SBF2: variants seen among roughly 807,000 people sequenced by gnomAD.
SBF2 encodes myotubularin-related protein 13.
A neutral mutation model predicts 225.2 loss-of-function variants in SBF2; 112 were observed. The ratio of observed to expected loss-of-function variants is 0.50; its 90% CI spans 0.43 to 0.58. The LOEUF is 0.58. SBF2 is among the 20% of genes least tolerant of loss of function. The pLI is 0.00. For synonymous variants in SBF2, 763 were observed against 773.3 expected (o/e 0.99, Z 0.22); for missense variants, 1,996 against 2,206.2 (o/e 0.90, Z 1.91).
chr11:10,227,597 G>C (rs2135423706), intron 1 of SBF2, among the ~76,000 whole-genome samples: 2 of 152,284 alleles, frequency 1.3e-5, no homozygotes, highest in East Asian at 3.9e-4. Flanking sequence ...CCCATTGCTT[G>C]TTTTTGTCAG....
intron 16 of SBF2, among the ~76,000 whole-genome samples, chr11:9,938,378 A>G (rs1311823129): frequency 1.3e-5 from 2 of 152,170 alleles, no homozygotes; most frequent in South Asian, 2.1e-4. Context: ...TTGCACTCTC[A>G]ATTCCAGTGG....
At chr11:10,264,884 A>G (rs1003415833) in intron 1 of SBF2, among the ~76,000 whole-genome samples, 1 of 152,084 alleles carries the variant, frequency 6.6e-6, no homozygotes, top group East Asian at 1.9e-4. Flanking sequence ...TTCCAGCTTC[A>G]TCCATGTCCC....
At chr11:10,251,379 G>C (rs947925749) in intron 1 of SBF2, among the ~76,000 whole-genome samples, 44 of 152,196 alleles carry the variant, frequency 2.9e-4, no homozygotes, top group African/African-American at 1.0e-3. Flanking sequence ...CTACTGTAAA[G>C]GCTATGGTTA....
chr11:10,110,196 C>T (rs1232595923), intron 2 of SBF2, among the ~76,000 whole-genome samples: 1 of 152,138 alleles, frequency 6.6e-6, no homozygotes, highest in Non-Finnish European at 1.5e-5. Context: ...GGAAATCCTA[C>T]AAATCTTGAA....
At chr11:10,294,993 C>A (rs555670918), upstream of SBF2, among the ~76,000 whole-genome samples, 1 of 152,374 alleles carries the variant, frequency 6.6e-6, no homozygotes, top group Non-Finnish European at 1.5e-5. Flanking sequence ...CCTTCCGTCT[C>A]GGGATTATCA....
At chr11:9,828,459 T>C in intron 28 of SBF2, 1 of 985,298 alleles carries the variant, frequency 1.0e-6, no homozygotes, top group Non-Finnish European at 1.2e-6. Flanking sequence ...TAATGATAAA[T>C]GGAGCAAGGC....
At chr11:10,155,111 T>C (rs1046203780) in intron 2 of SBF2, among the ~76,000 whole-genome samples, 1 of 152,152 alleles carries the variant, frequency 6.6e-6, no homozygotes, top group African/African-American at 2.4e-5. Flanking sequence ...AAATAAACCA[T>C]TTGCAATGAG....
At chr11:10,191,749 G>A (rs528284709) in intron 2 of SBF2, among the ~76,000 whole-genome samples, 1 of 152,296 alleles carries the variant, frequency 6.6e-6, no homozygotes, top group African/African-American at 2.4e-5. Context: ...GAACATGGCA[G>A]TGTCTGTCAT....
intron 2 of SBF2, among the ~76,000 whole-genome samples, chr11:10,175,111 C>G (rs908375013): frequency 2.7e-5 from 4 of 150,536 alleles, no homozygotes; most frequent in Admixed American, 2.0e-4. Context: ...AACTAATGAG[C>G]AAAATAACCA....
At chr11:9,839,302 C>A in intron 26 of SBF2, 196 bp downstream of exon 26, 1 of 620,676 alleles carries the variant, frequency 1.6e-6, no homozygotes. Flanking sequence ...TTCACCTTCT[C>A]ACCTACTAGA....
intron 2 of SBF2, among the ~76,000 whole-genome samples, chr11:10,098,883 G>A (rs1038114837): frequency 6.6e-6 from 1 of 151,856 alleles, no homozygotes; most frequent in African/African-American, 2.4e-5. Context: ...AAAGAGTGAG[G>A]AAAGCCTGCA....
intron 13 of SBF2, among the ~76,000 whole-genome samples, chr11:9,988,895 C>A (rs987999285): frequency 2.0e-5 from 3 of 152,136 alleles, no homozygotes; most frequent in Admixed American, 2.0e-4. Flanking sequence ...AGCAATCACA[C>A]TACGGGGTTT....
intron 13 of SBF2, among the ~76,000 whole-genome samples, chr11:9,974,960 CAAAAAAAA>C (rs1166081188): frequency 9.5e-4 from 22 of 23,260 alleles, no homozygotes; most frequent in South Asian, 2.8e-3. Context: ...AACTTTGACT[CAAAAAAAA>C]AAAAAAAAAA....
At chr11:9,965,072 T>A (rs1281809554) in intron 14 of SBF2, among the ~76,000 whole-genome samples, 1 of 152,036 alleles carries the variant, frequency 6.6e-6, no homozygotes, top group Non-Finnish European at 1.5e-5. Context: ...CCACACTTGA[T>A]GTCCATGTGT....
At chr11:10,002,752 TAGAC>T (rs1477322638) in intron 6 of SBF2, 63 bp from the exon 7 acceptor site, 17 of 1,498,852 alleles carry the variant, frequency 1.1e-5, no homozygotes, top group Non-Finnish European at 1.6e-5. Context: ...TCAACAATCA[TAGAC>T]AGTATACACG....
At chr11:10,294,520 G>A (rs1325544464), upstream of SBF2, among the ~76,000 whole-genome samples, 1 of 152,250 alleles carries the variant, frequency 6.6e-6, no homozygotes, top group Non-Finnish European at 1.5e-5. Flanking sequence ...GGGATGTGGA[G>A]AGTTGAGGGG....
In SBF2 at chr11:9,981,194, C is replaced by T. The variant is rs571108698; in HGVS notation, c.1395+8303G>A. ...ACAATACCTGTTGTGAGTCAAGATA[C>T]TGACCCTGAATTCTTCTTCACTATT... On this transcript the variant is annotated intron_variant, in intron 13 of 39. Coordinates refer to ENST00000256190, the MANE Select transcript of SBF2 (RefSeq NM_030962.4). Among the ~76,000 whole-genome samples the T allele has an allele frequency of 1.5e-4, 23 of 152,310 alleles. No homozygotes were observed. The South Asian group carries it at 3.7e-3, about 25-fold the overall frequency.
chr11:10,134,870 C>G (rs992962526), intron 2 of SBF2, among the ~76,000 whole-genome samples: 4 of 152,168 alleles, frequency 2.6e-5, no homozygotes, highest in Admixed American at 6.5e-5. Flanking sequence ...ATCTACCATT[C>G]TGGGATCTGG....
At chr11:10,075,768 C>T (rs1344137128) in intron 2 of SBF2, among the ~76,000 whole-genome samples, 1 of 152,118 alleles carries the variant, frequency 6.6e-6, no homozygotes, top group African/African-American at 2.4e-5. Context: ...TATAAATTAC[C>T]GGTCTTGGGT....
Sources: gnomAD v4.1 joint callset for allele counts (sites outside exome capture counted in the v4.1 genomes callset) on GRCh38, gnomAD v4.1.1 for gene constraint, MANE v1.5 for transcripts, NCBI Gene and HGNC (gene_info 2026-07-23, HGNC 2026-07-21) for gene names.